TNR: variants seen among roughly 807,000 people sequenced by gnomAD.
The protein encoded by TNR is tenascin R.
Under a neutral mutation model 150.4 loss-of-function variants are expected in TNR, and 45 were observed. That is an observed-to-expected ratio of 0.30 (90% confidence interval 0.24 to 0.38). The LOEUF is 0.38. Ranked by LOEUF, TNR falls within the 10% of genes least tolerant of loss-of-function variation. The pLI is 1.00. For synonymous variants in TNR, 687 were observed against 678.4 expected (o/e 1.01, Z -0.20); for missense variants, 1,544 against 1,759.1 (o/e 0.88, Z 2.19).
intron 20 of TNR, 90 bp from the exon 21 acceptor site, chr1:175,330,325 T>C: frequency 7.3e-7 from 1 of 1,377,730 alleles, no homozygotes; most frequent in Non-Finnish European, 9.7e-7. Context: ...CAAAACATGT[T>C]ACAGGGAAGA....
rs548472219 is a variant in TNR at position 175,445,407 on chromosome 1, G to T, written c.-63-38630C>A. On this transcript the variant is annotated intron_variant, in intron 2 of 22. Transcript: ENST00000367674. ...AGACCACAATGAGAATTCATCAAAA[G>T]ATTTTGAGCAGAAGTTTTAAACCTG... Among the ~76,000 whole-genome samples the T allele has an allele frequency of 2.0e-4, 31 of 152,290 alleles. No individual in the cohort carries two copies. In the South Asian group the frequency reaches 6.4e-3, roughly 32 times the overall value.
chr1:175,588,821 G>A (rs1302518952), intron 1 of TNR, among the ~76,000 whole-genome samples: 1 of 152,148 alleles, frequency 6.6e-6, no homozygotes, highest in Non-Finnish European at 1.5e-5. Context: ...TGAGAGTAGA[G>A]ATAAGCCCAA....
intron 18 of TNR, among the ~76,000 whole-genome samples, chr1:175,341,919 G>A (rs1443065668): frequency 6.6e-6 from 1 of 152,238 alleles, no homozygotes; most frequent in African/African-American, 2.4e-5. Context: ...TAGCTGGCTA[G>A]ACTGTCAGGG....
chr1:175,670,276 T>C (rs1194182517), intron 1 of TNR, among the ~76,000 whole-genome samples: 1 of 152,138 alleles, frequency 6.6e-6, no homozygotes, highest in Non-Finnish European at 1.5e-5. Context: ...GGGATTTCAA[T>C]CACATCAGGA....
chr1:175,723,698 C>A (rs921565856), intron 1 of TNR, among the ~76,000 whole-genome samples: 1 of 152,094 alleles, frequency 6.6e-6, no homozygotes, highest in Non-Finnish European at 1.5e-5. Flanking sequence ...ATGGTGAAAC[C>A]CCGTCTCTAC....
At chr1:175,545,737 G>A (rs1013751174) in intron 1 of TNR, among the ~76,000 whole-genome samples, 5 of 152,214 alleles carry the variant, frequency 3.3e-5, no homozygotes, top group Admixed American at 2.6e-4. Context: ...AGAAGGCATA[G>A]GGATTTTGAT....
rs142515485 is a variant in TNR at position 175,629,357 on chromosome 1, A to G, written c.-164-100988T>C. Among the ~76,000 whole-genome samples the G allele has an allele frequency of 3.0e-3, 464 of 152,316 alleles. 1 individual carries two copies. The highest frequency in any genetic ancestry group is 0.011 in the African/African-American group (450 of 41,576). On this transcript the variant is annotated intron_variant, in intron 1 of 22. Coordinates refer to ENST00000367674, the MANE Select transcript of TNR (RefSeq NM_003285.3). ...GATCATAGCCTCATACTAGGCTTCC[A>G]AGAGTAGGCAGGAATGTCAGGCCAA...
intron 9 of TNR, among the ~76,000 whole-genome samples, chr1:175,370,025 T>TTTC (rs1392029535): frequency 6.6e-6 from 1 of 152,212 alleles, no homozygotes; most frequent in East Asian, 1.9e-4. Flanking sequence ...ACCAGCTCCC[T>TTTC]TTCTTTCCCA....
At chr1:175,384,565 C>T (rs1400645300) in intron 8 of TNR, among the ~76,000 whole-genome samples, 1 of 152,204 alleles carries the variant, frequency 6.6e-6, no homozygotes, top group Non-Finnish European at 1.5e-5. Context: ...AAGCTTTTCC[C>T]TGCCCTTGAT....
At chr1:175,667,001 C>T (rs967137278) in intron 1 of TNR, among the ~76,000 whole-genome samples, 4 of 152,168 alleles carry the variant, frequency 2.6e-5, no homozygotes, top group Non-Finnish European at 4.4e-5. Context: ...GATCTTCCTG[C>T]CTCAGACTCC....
chr1:175,506,392 T>TC (rs979176677), intron 2 of TNR, among the ~76,000 whole-genome samples: 3 of 152,122 alleles, frequency 2.0e-5, no homozygotes, highest in South Asian at 2.1e-4. Context: ...CTAAATCGTG[T>TC]CCCCCCAGAT....
chr1:175,385,695 T>A (rs1241050794), intron 8 of TNR, among the ~76,000 whole-genome samples: 2 of 152,224 alleles, frequency 1.3e-5, no homozygotes, highest in Non-Finnish European at 2.9e-5. Flanking sequence ...AAATTTCCAT[T>A]TGGACTAGCG....
intron 2 of TNR, 46 bp from the exon 3 acceptor site, chr1:175,406,823 T>A: frequency 7.0e-7 from 1 of 1,422,904 alleles, no homozygotes; most frequent in Non-Finnish European, 9.5e-7. Flanking sequence ...GACCTATGCC[T>A]TGGCACCATG....
At chr1:175,328,208 G>A (rs1172902380) in intron 21 of TNR, among the ~76,000 whole-genome samples, 2 of 152,208 alleles carry the variant, frequency 1.3e-5, no homozygotes, top group Non-Finnish European at 1.5e-5. Context: ...ATTAGTTTTT[G>A]TAAAGGCCAT....
At chr1:175,606,833 G>A (rs186244515) in intron 1 of TNR, among the ~76,000 whole-genome samples, 134 of 152,322 alleles carry the variant, frequency 8.8e-4, no homozygotes, top group African/African-American at 3.1e-3. Flanking sequence ...ATGGGGGAGT[G>A]TGAAAGCCCA....
chr1:175,535,321 G>A (rs1029248995), intron 1 of TNR, among the ~76,000 whole-genome samples: 1 of 152,152 alleles, frequency 6.6e-6, no homozygotes, highest in East Asian at 1.9e-4. Context: ...GATTAGCAAC[G>A]AGCTCCACGT....
intron 1 of TNR, among the ~76,000 whole-genome samples, chr1:175,709,758 C>T (rs116449042): frequency 0.023 from 3,529 of 152,126 alleles, 118 homozygotes; most frequent in African/African-American, 0.076. Flanking sequence ...CCTTCTTGGC[C>T]TCTTCGCAGC....
rs1203583456 is a variant in TNR, at chr1:175,317,383, C to A, written c.*5974G>T. 1 of 152,196 alleles carries A rather than the reference C, an allele frequency of 6.6e-6. No homozygotes were observed. Among genetic ancestry groups the A allele is most frequent in the Non-Finnish European group, 1.5e-5 (1 of 68,028 alleles). The allele number at this position is 152,196 out of a possible 1,614,324, so 9.4% of individuals were successfully genotyped here. ...TATATTAGATGATCTTGAGTCCCAT[C>A]CAGCTCTGAAAGTGTATTTCCAACA... is the stretch of plus-strand genomic sequence containing the variant. On this transcript the variant is annotated 3_prime_UTR_variant, in exon 23 of 23. Coordinates refer to ENST00000367674, the MANE Select transcript of TNR (RefSeq NM_003285.3).
chr1:175,417,217 T>C (rs73045428), intron 2 of TNR, among the ~76,000 whole-genome samples: 295 of 152,146 alleles, frequency 1.9e-3, no homozygotes, highest in African/African-American at 6.8e-3. Context: ...AATTAGTGTT[T>C]TAAAGGTGAG....
Sources: gnomAD v4.1 joint callset for allele counts (sites outside exome capture counted in the v4.1 genomes callset) on GRCh38, gnomAD v4.1.1 for gene constraint, MANE v1.5 for transcripts, NCBI Gene and HGNC (gene_info 2026-07-23, HGNC 2026-07-21) for gene names.